CWH43: variants seen among roughly 807,000 people sequenced by gnomAD.
The protein encoded by CWH43 is cell wall biogenesis 43 C-terminal homolog, also known as PGAP2-interacting protein.
Under a neutral mutation model 85.7 loss-of-function variants are expected in CWH43, and 91 were observed. The ratio of observed to expected loss-of-function variants is 1.06; its 90% CI spans 0.90 to 1.26. The LOEUF is 1.26. Among genes scored for constraint, CWH43 ranks in the 50% most tolerant of loss-of-function variants. CWH43 has a pLI of 0.00. For missense variants in CWH43, 869 were observed against 839.2 expected (o/e 1.04, Z -0.44); for synonymous variants, 323 against 293.6 (o/e 1.10, Z -1.02).
At chr4:49,049,509 T>C (rs1784729985) in intron 14 of CWH43, among the ~76,000 whole-genome samples, 1 of 151,644 alleles carries the variant, frequency 6.6e-6, no homozygotes, top group South Asian at 2.1e-4. Flanking sequence ...TGATGGATTC[T>C]TATCTCACTC....
intron 15 of CWH43, among the ~76,000 whole-genome samples, chr4:49,054,082 A>T (rs571357947): frequency 6.6e-6 from 1 of 152,214 alleles, no homozygotes; most frequent in East Asian, 1.9e-4. Flanking sequence ...TTAAAAAATC[A>T]TTGCCCAGAC....
At chr4:49,048,420 T>C (rs1454460148) in intron 14 of CWH43, among the ~76,000 whole-genome samples, 2 of 151,060 alleles carry the variant, frequency 1.3e-5, no homozygotes, top group Non-Finnish European at 2.9e-5. Flanking sequence ...TATGATATCA[T>C]ATATATATTT....
chr4:49,030,825 G>T lies in CWH43; in HGVS notation c.1373G>T (p.Gly458Val). ...ATGCTACTTTTTTTTTTCTGAACAG[G>T]TGCAGATTTCATAACAATTTTGGAG... ...ERSAHLLNET[G>V]ADFITILESD... Residue 458 changes from glycine (G) to valine (V), a missense_variant and splice_region_variant, in exon 11 of 16, where the codon GGT becomes GTT. Transcript: ENST00000226432. 6.4e-7 allele frequency: 1 copy of T among 1,568,022 alleles called. No individual in the cohort carries two copies. Among genetic ancestry groups the T allele is most frequent in the Admixed American group, 2.0e-5 (1 of 48,816 alleles).
chr4:49,039,030 C>T (rs1212104062), intron 13 of CWH43, among the ~76,000 whole-genome samples: 4 of 149,866 alleles, frequency 2.7e-5, no homozygotes, highest in African/African-American at 9.9e-5. Flanking sequence ...TACACTCCAG[C>T]CTGGGTGACA....
intron 9 of CWH43, among the ~76,000 whole-genome samples, chr4:49,017,982 T>C (rs1332355304): frequency 1.3e-5 from 2 of 151,836 alleles, no homozygotes; most frequent in Admixed American, 6.6e-5. Flanking sequence ...CTATAGGCGG[T>C]GTGCCACCAT....
intron 8 of CWH43, among the ~76,000 whole-genome samples, chr4:49,015,177 A>ATAT (rs1783504055): frequency 6.6e-6 from 1 of 151,386 alleles, no homozygotes; most frequent in African/African-American, 2.4e-5. Flanking sequence ...ATCTAATGTG[A>ATAT]TCATCTTACT....
At chr4:49,046,576 G>A (rs1469022452) in intron 14 of CWH43, among the ~76,000 whole-genome samples, 2 of 152,040 alleles carry the variant, frequency 1.3e-5, no homozygotes, top group Non-Finnish European at 2.9e-5. Context: ...GCTGTGGTAG[G>A]TTATAAAAAG....
chr4:49,028,614 A>G lies in CWH43; in HGVS notation c.1267-15A>G. 1 of 1,597,568 alleles carries G rather than the reference A, an allele frequency of 6.3e-7. No individual in the cohort carries two copies. Among genetic ancestry groups the G allele is most frequent in the South Asian group, 1.1e-5 (1 of 89,760 alleles). On this transcript the variant is annotated splice_polypyrimidine_tract_variant and intron_variant, in intron 9 of 15. Transcript: ENST00000226432. ...TTCACAGTCATCCTAAACTACCATT[A>G]AAACAATTCCTCAGGCACCAACCAA...
In CWH43 at chr4:48,994,604, A is replaced by G. The variant is rs563132282; in HGVS notation, c.512-15A>G. The G allele has an allele frequency of 6.2e-7, 1 of 1,601,460 alleles. No individual in the cohort carries two copies. Among genetic ancestry groups the G allele is most frequent in the East Asian group, 2.2e-5 (1 of 44,840 alleles). On this transcript the variant is annotated splice_polypyrimidine_tract_variant and intron_variant, in intron 4 of 15. Transcript: ENST00000226432. ...ATAACTAAACTTTTTCCATATATGT[A>G]TTTTTAAATTCTAGATGGTGACTGC...
chr4:49,024,925 C>A (rs1472047185), intron 9 of CWH43, among the ~76,000 whole-genome samples: 1 of 152,214 alleles, frequency 6.6e-6, no homozygotes. Flanking sequence ...AAGTTCTCCT[C>A]AATTATTCCC....
chr4:49,002,630 T>G (rs564106476), intron 6 of CWH43, among the ~76,000 whole-genome samples: 1 of 152,280 alleles, frequency 6.6e-6, no homozygotes, highest in South Asian at 2.1e-4. Flanking sequence ...TATTTTAAAA[T>G]GAAAAAATTC....
intron 13 of CWH43, among the ~76,000 whole-genome samples, chr4:49,043,026 G>T (rs1784513810): frequency 6.6e-6 from 1 of 152,112 alleles, no homozygotes; most frequent in South Asian, 2.1e-4. Flanking sequence ...CCTGGTGCTG[G>T]ACCTCTCTCT....
At chr4:49,046,496 G>A (rs1450329741) in intron 14 of CWH43, among the ~76,000 whole-genome samples, 1 of 152,128 alleles carries the variant, frequency 6.6e-6, no homozygotes, top group African/African-American at 2.4e-5. Context: ...GACAAGCTAT[G>A]ACAGGTGGAG....
intron 15 of CWH43, 149 bp downstream of exon 15, chr4:49,050,998 G>A (rs574027591): frequency 1.7e-6 from 1 of 587,934 alleles, no homozygotes; most frequent in East Asian, 3.1e-5. Context: ...ATAAAATCTG[G>A]TTTGGGTTGA....
intron 8 of CWH43, chr4:49,016,637 T>A: frequency 5.3e-6 from 4 of 751,326 alleles, no homozygotes; most frequent in South Asian, 4.1e-5. Flanking sequence ...GATGACACCA[T>A]CAGAAGCATG....
At chr4:49,020,167 T>C (rs1240906116) in intron 9 of CWH43, among the ~76,000 whole-genome samples, 1 of 152,040 alleles carries the variant, frequency 6.6e-6, no homozygotes, top group African/African-American at 2.4e-5. Flanking sequence ...CTCCCACCCT[T>C]TAATAAGCAA....
At chr4:49,009,465 A>G (rs1377001324) in intron 8 of CWH43, among the ~76,000 whole-genome samples, 1 of 152,136 alleles carries the variant, frequency 6.6e-6, no homozygotes, top group Non-Finnish European at 1.5e-5. Context: ...AATGCACTTT[A>G]TTCCCTTCTC....
At chr4:48,998,689 A>G (rs1782895160) in intron 6 of CWH43, 141 bp downstream of exon 6, 1 of 658,026 alleles carries the variant, frequency 1.5e-6, no homozygotes, top group Non-Finnish European at 2.8e-6. Flanking sequence ...AACAGCAACT[A>G]TAATGCAGAT....
At chr4:48,991,703 T>A (rs946306336) in intron 3 of CWH43, 129 bp downstream of exon 3, 2 of 1,143,992 alleles carry the variant, frequency 1.7e-6, no homozygotes, top group Admixed American at 5.1e-5. Flanking sequence ...TCCTTTTTTT[T>A]CCTTTTCCCA....
Sources: gnomAD v4.1 joint callset for allele counts (sites outside exome capture counted in the v4.1 genomes callset) on GRCh38, gnomAD v4.1.1 for gene constraint, MANE v1.5 for transcripts, NCBI Gene and HGNC (gene_info 2026-07-23, HGNC 2026-07-21) for gene names.